Variants in TRPM3 observed in about 807,000 individuals in gnomAD.
TRPM3 encodes long transient receptor potential channel 3.
A neutral mutation model predicts 181.2 loss-of-function variants in TRPM3; 77 were observed. The ratio of observed to expected loss-of-function variants is 0.42; its 90% CI spans 0.35 to 0.51. The LOEUF (loss-of-function observed/expected upper bound fraction) is 0.51. Among genes scored for constraint, TRPM3 ranks in the 20% least tolerant of loss-of-function variants. The pLI, the probability that TRPM3 is intolerant of heterozygous loss-of-function variation, is 0.01. For synonymous variants in TRPM3, 745 were observed against 796.4 expected (o/e 0.94, Z 1.09); for missense variants, 1,759 against 2,196.7 (o/e 0.80, Z 3.98).
intron 1 of TRPM3, among the ~76,000 whole-genome samples, chr9:71,268,495 G>A (rs1388341292): frequency 2.6e-5 from 4 of 152,096 alleles, no homozygotes; most frequent in East Asian, 3.9e-4. Flanking sequence ...TCTAATGGAA[G>A]CCTGAATGTC....
At chr9:71,258,196 T>C (rs1260794359) in intron 1 of TRPM3, among the ~76,000 whole-genome samples, 1 of 152,198 alleles carries the variant, frequency 6.6e-6, no homozygotes, top group Non-Finnish European at 1.5e-5. Context: ...CATTGGCCCA[T>C]TTAAGTCTTA....
intron 9 of TRPM3, among the ~76,000 whole-genome samples, chr9:70,676,632 C>T (rs2064078886): frequency 6.6e-6 from 1 of 151,960 alleles, no homozygotes; most frequent in Non-Finnish European, 1.5e-5. Context: ...AGCGGACCTC[C>T]CTAAATTCTT....
chr9:70,792,785 T>C (rs1269664931), intron 6 of TRPM3, among the ~76,000 whole-genome samples: 1 of 152,096 alleles, frequency 6.6e-6, no homozygotes, highest in Non-Finnish European at 1.5e-5. Flanking sequence ...GGGTAGATAG[T>C]TTTTTGCGTA....
chr9:70,670,681 G>C (rs184982614), intron 9 of TRPM3, among the ~76,000 whole-genome samples: 121 of 152,110 alleles, frequency 8.0e-4, no homozygotes, highest in African/African-American at 2.6e-3. Flanking sequence ...TTTTGAATAT[G>C]GGGGATATCC....
At chr9:71,226,009 TAAAAAAAAAAAAAAAAA>T in intron 1 of TRPM3, among the ~76,000 whole-genome samples, 10 of 34,708 alleles carry the variant, frequency 2.9e-4, no homozygotes, top group African/African-American at 8.8e-4. Flanking sequence ...CAACAAAAGG[TAAAAAAAAAAAAAAAAA>T]AAAAAAAAAA....
At chr9:71,398,416 C>A (rs960116360) in intron 1 of TRPM3, among the ~76,000 whole-genome samples, 1 of 152,082 alleles carries the variant, frequency 6.6e-6, no homozygotes, top group African/African-American at 2.4e-5. Context: ...GGCTCTGTGT[C>A]CCCATCAAAT....
At chr9:71,445,524 C>G (rs2131700268) in intron 1 of TRPM3, among the ~76,000 whole-genome samples, 1 of 152,276 alleles carries the variant, frequency 6.6e-6, no homozygotes, top group East Asian at 1.9e-4. Context: ...AATTTCATAA[C>G]ATTTTTGTAA....
intron 9 of TRPM3, among the ~76,000 whole-genome samples, chr9:70,649,978 TAAGA>T (rs1159526793): frequency 2.6e-5 from 4 of 152,138 alleles, no homozygotes; most frequent in Non-Finnish European, 2.9e-5. Context: ...TACACAGCCT[TAAGA>T]AAGAATGAAA....
At chr9:71,285,027 A>C (rs2085165715) in intron 1 of TRPM3, among the ~76,000 whole-genome samples, 1 of 152,248 alleles carries the variant, frequency 6.6e-6, no homozygotes, top group Non-Finnish European at 1.5e-5. Context: ...AAAATCAGCA[A>C]ACATAGAACA....
intron 1 of TRPM3, among the ~76,000 whole-genome samples, chr9:70,976,123 T>A (rs1351181347): frequency 6.6e-6 from 1 of 152,196 alleles, no homozygotes; most frequent in South Asian, 2.1e-4. Context: ...GTGAAGATTA[T>A]CCATGGTGAG....
intron 1 of TRPM3, among the ~76,000 whole-genome samples, chr9:70,949,620 T>C (rs2096975393): frequency 6.6e-6 from 1 of 151,936 alleles, no homozygotes; most frequent in Admixed American, 6.6e-5. Context: ...TTTGCCAAAG[T>C]CTTGAACTCC....
At chr9:71,124,492 C>A (rs554927045), upstream of TRPM3, among the ~76,000 whole-genome samples, 4 of 152,264 alleles carry the variant, frequency 2.6e-5, no homozygotes, top group African/African-American at 9.6e-5. Flanking sequence ...GCAAGCAGGG[C>A]ATATCAGATT....
intron 6 of TRPM3, among the ~76,000 whole-genome samples, chr9:70,812,829 G>A (rs1017596827): frequency 6.6e-6 from 1 of 152,140 alleles, no homozygotes; most frequent in African/African-American, 2.4e-5. Context: ...AAGGTCAAGT[G>A]GGGTGAGATT....
In TRPM3 at chr9:70,930,556, G is replaced by A. The variant is rs564319617; in HGVS notation, c.178-66045C>T. ...TAAGTCACAGAATCTTAGTATTTGG[G>A]CTCACAATAAGTAAAATGTTAAGGA... On this transcript the variant is annotated intron_variant, in intron 1 of 25. Transcript: ENST00000677713. Among the ~76,000 whole-genome samples the A allele has an allele frequency of 1.6e-3, 249 of 152,162 alleles. 2 individuals are homozygous for A. The highest frequency in any genetic ancestry group is 5.8e-3 in the African/African-American group (239 of 41,524).
chr9:71,071,277 A>G (rs528323160), intron 1 of TRPM3, among the ~76,000 whole-genome samples: 7 of 152,306 alleles, frequency 4.6e-5, no homozygotes, highest in African/African-American at 1.7e-4. Flanking sequence ...ACCTCCTGCA[A>G]GCCCTGGACT....
At chr9:70,974,127 T>C (rs1222155612) in intron 1 of TRPM3, among the ~76,000 whole-genome samples, 7 of 152,244 alleles carry the variant, frequency 4.6e-5, no homozygotes, top group Non-Finnish European at 1.0e-4. Flanking sequence ...TTCTTTCTCT[T>C]TGTATAGCGT....
intron 1 of TRPM3, among the ~76,000 whole-genome samples, chr9:71,228,976 T>G (rs747486387): frequency 2.6e-5 from 4 of 152,098 alleles, no homozygotes; most frequent in Non-Finnish European, 2.9e-5. Context: ...ATCAAAAAAT[T>G]TGTGTGGAAT....
chr9:70,775,327 T>C (rs1313886798), intron 7 of TRPM3: 3 of 152,162 alleles, frequency 2.0e-5, no homozygotes, highest in South Asian at 2.1e-4. Flanking sequence ...AGAAATTAAA[T>C]GGGTAAAGAA....
chr9:70,890,095 A>G (rs540254100), intron 1 of TRPM3, among the ~76,000 whole-genome samples: 113 of 148,628 alleles, frequency 7.6e-4, no homozygotes, highest in African/African-American at 2.6e-3. Flanking sequence ...TATAGTATAT[A>G]TATAGTCAAT....
Sources: gnomAD v4.1 joint callset for allele counts (sites outside exome capture counted in the v4.1 genomes callset) on GRCh38, gnomAD v4.1.1 for gene constraint, MANE v1.5 for transcripts, NCBI Gene and HGNC (gene_info 2026-07-23, HGNC 2026-07-21) for gene names.